ABI3BP: variants seen among roughly 807,000 people sequenced by gnomAD.
The protein encoded by ABI3BP is target of Nesh-SH3.
ABI3BP carries 216 observed loss-of-function variants against 268.6 expected under a neutral mutation model. That is an observed-to-expected ratio of 0.80 (90% CI 0.72 to 0.90). The LOEUF (loss-of-function observed/expected upper bound fraction) is 0.90. ABI3BP is among the 40% of genes least tolerant of loss of function. The probability of loss-of-function intolerance (pLI) is 0.00; values close to 1 mark genes in which losing one functional copy is unlikely to be tolerated. For missense variants in ABI3BP, 2,090 were observed against 2,182.4 expected (o/e 0.96, Z 0.84); for synonymous variants, 730 against 730.0 (o/e 1.00, Z 0.00).
chr3:100,875,691 A>G, intron 7 of ABI3BP, 112 bp from the exon 8 acceptor site: 1 of 749,532 alleles, frequency 1.3e-6, no homozygotes, highest in Non-Finnish European at 2.3e-6. Flanking sequence ...TTATTAATTA[A>G]TACAAAGCAA....
rs60146880 is a variant in ABI3BP, at chr3:100,851,943, T to TAA, written c.1286-5_1286-4dup. On this transcript the variant is annotated splice_polypyrimidine_tract_variant and splice_region_variant and intron_variant, in intron 14 of 67. Transcript: ENST00000471714. ...GCTTGAGAAAACATCATAAGTTGCT[T>TAA]AAAAAAAAAAAAAAGGCAAAACAAG... The TAA allele has an allele frequency of 0.056, 76,093 of 1,365,056 alleles. 1,241 individuals are homozygous for TAA. The highest frequency in any genetic ancestry group is 0.22 in the African/African-American group (14,480 of 65,196). The allele number at this position is 1,365,056 out of a possible 1,614,324, so 84.6% of individuals were successfully genotyped here.
chr3:100,792,770 T>C lies in ABI3BP; in HGVS notation c.3947-2A>G, dbSNP rs1357488172. On this transcript the variant is annotated splice_acceptor_variant, in intron 54 of 67. Transcript: ENST00000471714. LOFTEE classifies it high-confidence loss of function. ...CTTGGGTGGATTGGTCTGTTTCTTC[T>C]AGAGAAAACACAGTAAGATTGCTTG... The C allele has an allele frequency of 6.2e-7, 1 of 1,610,440 alleles. No individual in the cohort carries two copies. Among genetic ancestry groups the C allele is most frequent in the East Asian group, 2.2e-5 (1 of 44,762 alleles).
At chr3:100,842,120 C>G (rs1238359932) in intron 20 of ABI3BP, 81 bp from the exon 21 acceptor site, 1 of 1,196,870 alleles carries the variant, frequency 8.4e-7, no homozygotes. Flanking sequence ...TGACTATAAA[C>G]GGAGTTCTCT....
rs550404925 is a variant in ABI3BP, at chr3:100,753,574, T to G, written c.4960+245A>C. Among the ~76,000 whole-genome samples the G allele has an allele frequency of 1.2e-4, 18 of 152,252 alleles. No homozygotes were observed. In the South Asian group the frequency reaches 2.9e-3, roughly 25 times the overall value. Reference sequence around the variant, plus strand: ...CTCAGAGTGCTGGGATTACACTGGCTGTTTTATTAAACAGTAATAAGCCTG... The same window carrying G: ...CTCAGAGTGCTGGGATTACACTGGCGGTTTTATTAAACAGTAATAAGCCTG... On this transcript the variant is annotated intron_variant, in intron 65 of 67. Transcript: ENST00000471714.
chr3:100,977,963 C>T (rs1337615716), intron 1 of ABI3BP, among the ~76,000 whole-genome samples: 1 of 152,082 alleles, frequency 6.6e-6, no homozygotes, highest in African/African-American at 2.4e-5. Context: ...TTCACTTGAC[C>T]CATCCTAATT....
At chr3:100,807,632 T>C (rs1185196029) in intron 50 of ABI3BP, among the ~76,000 whole-genome samples, 2 of 151,890 alleles carry the variant, frequency 1.3e-5, no homozygotes, top group Non-Finnish European at 2.9e-5. Flanking sequence ...GAGTGAAATA[T>C]TTGTGGTGGG....
At chr3:100,916,691 C>G (rs1458127624) in intron 2 of ABI3BP, among the ~76,000 whole-genome samples, 1 of 152,194 alleles carries the variant, frequency 6.6e-6, no homozygotes, top group Non-Finnish European at 1.5e-5. Context: ...AGTGCCACTC[C>G]AGCATTTGAC....
chr3:100,770,800 C>T lies in ABI3BP; in HGVS notation c.4684G>A (p.Gly1562Arg). The T allele has an allele frequency of 6.3e-7, 1 of 1,583,284 alleles. No homozygotes were observed. Among genetic ancestry groups the T allele is most frequent in the Non-Finnish European group, 8.6e-7 (1 of 1,165,272 alleles). ...TCCAAGATGACAAATGAGGGGCACC[C>T]TTCCACGGTGACCACAGTGAGGTTG... is the stretch of plus-strand genomic sequence containing the variant. ...PTNLTVVTVE[G>R]CPSFVILDWE... The change falls in exon 62 of 68, where the codon GGG (glycine) becomes AGG (arginine). Residue 1562 changes from glycine (G) to arginine (R), a missense_variant. Transcript: ENST00000471714.
At chr3:100,784,664 G>A (rs923809634) in intron 57 of ABI3BP, among the ~76,000 whole-genome samples, 7 of 152,150 alleles carry the variant, frequency 4.6e-5, no homozygotes, top group South Asian at 4.1e-4. Flanking sequence ...TAAAGAAAAT[G>A]TCTGGTATAT....
At chr3:100,767,938 G>T (rs1034269924) in intron 62 of ABI3BP, among the ~76,000 whole-genome samples, 2 of 151,742 alleles carry the variant, frequency 1.3e-5, no homozygotes, top group African/African-American at 2.4e-5. Flanking sequence ...CACTCCAGTT[G>T]GTTATGCACC....
At chr3:100,756,065 G>A (rs962243346) in intron 63 of ABI3BP, among the ~76,000 whole-genome samples, 1 of 152,116 alleles carries the variant, frequency 6.6e-6, no homozygotes, top group Admixed American at 6.6e-5. Flanking sequence ...CTACAACAAT[G>A]GCAACCATTT....
chr3:100,751,759 A>G, intron 66 of ABI3BP, 85 bp from the exon 67 acceptor site: 3 of 1,349,126 alleles, frequency 2.2e-6, no homozygotes, highest in Non-Finnish European at 2.0e-6. Context: ...CTGTTTTTGT[A>G]CTTTCTCCCC....
chr3:100,955,008 A>G (rs1255576503), intron 1 of ABI3BP, among the ~76,000 whole-genome samples: 1 of 115,968 alleles, frequency 8.6e-6, no homozygotes. Context: ...TTTACGAATC[A>G]TAAAGCTCAA....
intron 1 of ABI3BP, among the ~76,000 whole-genome samples, chr3:100,949,422 TTTG>T (rs2073973147): frequency 6.6e-6 from 1 of 152,016 alleles, no homozygotes; most frequent in African/African-American, 2.4e-5. Flanking sequence ...TGCATGGCTC[TTTG>T]TTGTTGTCGT....
intron 51 of ABI3BP, among the ~76,000 whole-genome samples, chr3:100,797,730 A>T (rs989164784): frequency 6.6e-6 from 1 of 152,054 alleles, no homozygotes; most frequent in African/African-American, 2.4e-5. Context: ...GTGAAATTAC[A>T]ATTGTGAAAA....
Position 100,765,913 on chromosome 3 carries a change from C to A in ABI3BP, c.4778G>T (p.Ser1593Ile). ...CATTTGAATGGACTTGTTCTTCCCA[C>A]TGAATGACCCATTTTCTCTGGATAT... ...EVISRENGSFSGKNKSIQMTN... is the reference protein window; with the variant it reads ...EVISRENGSFIGKNKSIQMTN... The change falls in exon 63 of 68, where the codon AGT (serine) becomes ATT (isoleucine). Residue 1593 changes from serine to isoleucine, a missense_variant. Coordinates refer to ENST00000471714, the MANE Select transcript of ABI3BP (RefSeq NM_001375547.2). The A allele has an allele frequency of 1.2e-6, 2 of 1,612,884 alleles. No individual in the cohort carries two copies. Among genetic ancestry groups the A allele is most frequent in the East Asian group, 4.5e-5 (2 of 44,860 alleles).
intron 1 of ABI3BP, among the ~76,000 whole-genome samples, chr3:100,937,801 A>C (rs1584173647): frequency 6.6e-6 from 1 of 152,088 alleles, no homozygotes; most frequent in Admixed American, 6.6e-5. Context: ...AAACGTTCCA[A>C]TGCCTTTATG....
intron 33 of ABI3BP, 65 bp from the exon 34 acceptor site, chr3:100,828,517 T>C (rs879028660): frequency 7.1e-5 from 99 of 1,400,184 alleles, no homozygotes; most frequent in Non-Finnish European, 8.5e-5. Context: ...ACTCAGAACA[T>C]TCAAAAAGAA....
intron 1 of ABI3BP, among the ~76,000 whole-genome samples, chr3:100,953,766 A>G (rs774415812): frequency 1.3e-5 from 2 of 152,196 alleles, no homozygotes; most frequent in Admixed American, 1.3e-4. Context: ...AGCTTTGAAA[A>G]TAAGAGTCAA....
Sources: allele counts gnomAD v4.1 joint callset (sites outside exome capture counted in the v4.1 genomes callset), GRCh38; gene constraint gnomAD v4.1.1; transcripts MANE v1.5; gene names NCBI Gene and HGNC (gene_info 2026-07-23, HGNC 2026-07-21).